ZNF121: variants seen among roughly 807,000 people sequenced by gnomAD.
ZNF121 encodes the protein zinc finger protein 121 (clone ZHC32).
ZNF121 carries 1 observed loss-of-function variant against 2.4 expected under a neutral mutation model. The observed-to-expected ratio is 0.41, with a 90% CI of 0.15 to 1.94. ZNF121 has a LOEUF of 1.94. ZNF121 is among the 30% of genes most tolerant of loss of function. ZNF121 has a pLI of 0.30. For synonymous variants in ZNF121, 173 were observed against 158.6 expected (o/e 1.09, Z -0.68); for missense variants, 369 against 466.3 (o/e 0.79, Z 1.92).
At position 9,573,321 on chromosome 19, in the gene ZNF121, TAAC is replaced by T. The variant is rs369530686; in HGVS notation, c.-159-4242_-159-4240del. ...TATCAGAAAAAACTTTAGAATATAT[TAAC>T]AACAACAAAAAAGAGAAATCTTACA... On this transcript the variant is annotated intron_variant, in intron 1 of 3. Coordinates refer to ENST00000320451, the MANE Select transcript of ZNF121 (RefSeq NM_001008727.5). 1.2e-3 allele frequency among the ~76,000 whole-genome samples: 185 copies of T among 152,124 alleles called. 1 individual carries two copies. Among genetic ancestry groups the T allele is most frequent in the East Asian group, 2.9e-3 (15 of 5,182 alleles).
chr19:9,573,105 C>A (rs1221598790), intron 1 of ZNF121, among the ~76,000 whole-genome samples: 2 of 152,194 alleles, frequency 1.3e-5, no homozygotes, highest in African/African-American at 4.8e-5. Flanking sequence ...TCCTTCAATG[C>A]ACAGACACAG....
At chr19:9,572,323 T>C (rs2074180111) in intron 1 of ZNF121, among the ~76,000 whole-genome samples, 1 of 152,124 alleles carries the variant, frequency 6.6e-6, no homozygotes, top group African/African-American at 2.4e-5. Context: ...CAATTCACAG[T>C]TTCTACACTG....
At chr19:9,567,140 G>C (rs1261901399) in intron 3 of ZNF121, 31 bp from the exon 4 acceptor site, 1 of 1,538,236 alleles carries the variant, frequency 6.5e-7, no homozygotes, top group Non-Finnish European at 8.8e-7. Flanking sequence ...GATGATTAAA[G>C]GATTTTTCAG....
At chr19:9,581,803 T>C (rs1211876389) in intron 1 of ZNF121, among the ~76,000 whole-genome samples, 1 of 152,220 alleles carries the variant, frequency 6.6e-6, no homozygotes, top group Non-Finnish European at 1.5e-5. Context: ...TTAGTTATTA[T>C]AAAAAGCAGA....
At position 9,567,044 on chromosome 19, in the gene ZNF121, G is replaced by A. The variant is rs1339753516; in HGVS notation, c.69C>T (p.His23=). ...TTCCCATGTGTGCATTAAGGCATGA[G>A]TGTTCACTGAAGATTTCTCCATTTT... is the stretch of plus-strand genomic sequence containing the variant. The part of the protein sequence containing the change: ...FMENGEIFSE[H]SCLNAHMGTE... The change falls in exon 4 of 4, where the codon CAC becomes CAT. Residue 23 remains histidine (H), a synonymous_variant. Coordinates refer to ENST00000320451, the MANE Select transcript of ZNF121 (RefSeq NM_001008727.5). 6.2e-7 allele frequency: 1 copy of A among 1,614,092 alleles called. No homozygotes were observed. The highest frequency in any genetic ancestry group is 8.5e-7 in the Non-Finnish European group (1 of 1,180,032).
rs2074222984 is a variant in ZNF121, at chr19:9,577,960, A to C, written c.-160+6501T>G. On this transcript the variant is annotated intron_variant, in intron 1 of 3. Coordinates refer to ENST00000320451, the MANE Select transcript of ZNF121 (RefSeq NM_001008727.5). ...GTAATCCCAGCACTCTGGGAGGCCA[A>C]GGTGGGCAGACCACGAGGTCAGGAG... is the stretch of plus-strand genomic sequence containing the variant. 1.3e-5 allele frequency among the ~76,000 whole-genome samples: 2 copies of C among 152,024 alleles called. 1 individual carries two copies. Among genetic ancestry groups the C allele is most frequent in the South Asian group, 4.2e-4 (2 of 4,810 alleles).
intron 3 of ZNF121, chr19:9,567,586 C>T (rs2074142703): frequency 4.0e-6 from 1 of 249,116 alleles, no homozygotes; most frequent in African/African-American, 2.2e-5. Context: ...ATTACATTTA[C>T]TGTGACTTTA....
intron 1 of ZNF121, among the ~76,000 whole-genome samples, chr19:9,578,908 A>G (rs1260562861): frequency 9.4e-6 from 1 of 106,752 alleles, no homozygotes; most frequent in Non-Finnish European, 1.8e-5. Flanking sequence ...AGAGTATGGG[A>G]AAAAAATATT....
At chr19:9,574,027 CTTTTTT>C (rs60923401) in intron 1 of ZNF121, among the ~76,000 whole-genome samples, 5 of 139,962 alleles carry the variant, frequency 3.6e-5, no homozygotes, top group African/African-American at 1.0e-4. Context: ...TTCTTTCTTT[CTTTTTT>C]TTTTTTTTTT....
chr19:9,578,347 T>C (rs1599742203), intron 1 of ZNF121, among the ~76,000 whole-genome samples: 1 of 151,276 alleles, frequency 6.6e-6, no homozygotes, highest in African/African-American at 2.4e-5. Flanking sequence ...TGAGCCGAGG[T>C]CGCACCACTG....
In ZNF121 at chr19:9,566,980, C is replaced by T. The variant is rs1306076913; in HGVS notation, c.133G>A (p.Gly45Arg). The change falls in exon 4 of 4, where the codon GGA becomes AGA. Residue 45 changes from glycine (G) to arginine (R), a missense_variant. By Grantham distance (125) the Gly-to-Arg change is moderately radical. Transcript: ENST00000320451. ...TTGTGTAACATGGGAAAGTTTTCTC[C>T]ATACTCATCACAGTCATAAGTGTCC... ...TGDTYDCDEY[G>R]ENFPMLHNSA... is the part of the protein sequence containing the mutation. The T allele has an allele frequency of 6.2e-7, 1 of 1,614,178 alleles. No homozygotes were observed. Among genetic ancestry groups the T allele is most frequent in the Non-Finnish European group, 8.5e-7 (1 of 1,180,038 alleles).
At chr19:9,582,008 T>C (rs2074251312) in intron 1 of ZNF121, among the ~76,000 whole-genome samples, 2 of 152,252 alleles carry the variant, frequency 1.3e-5, no homozygotes, top group African/African-American at 4.8e-5. Context: ...ACAAGCACAA[T>C]GCTCAAAAAG....
intron 1 of ZNF121, among the ~76,000 whole-genome samples, chr19:9,583,489 C>CTTTTTTTTTTTT (rs1185311747): frequency 2.1e-4 from 12 of 56,398 alleles, no homozygotes; most frequent in African/African-American, 6.3e-4. Context: ...CCAAGCCTGG[C>CTTTTTTTTTTTT]TTTTTTTTTT....
intron 1 of ZNF121, among the ~76,000 whole-genome samples, chr19:9,572,729 T>C (rs993321639): frequency 4.6e-5 from 7 of 152,132 alleles, no homozygotes; most frequent in Admixed American, 1.3e-4. Flanking sequence ...TAAGATTCCA[T>C]CTAGTGCTGA....
intron 1 of ZNF121, among the ~76,000 whole-genome samples, chr19:9,583,676 T>G (rs925599477): frequency 1.3e-5 from 2 of 152,002 alleles, no homozygotes; most frequent in African/African-American, 4.8e-5. Flanking sequence ...GCTAATTTTT[T>G]GTATTTTTAG....
chr19:9,583,468 G>C (rs916924592), intron 1 of ZNF121, among the ~76,000 whole-genome samples: 16 of 146,224 alleles, frequency 1.1e-4, no homozygotes, highest in African/African-American at 4.1e-4. Flanking sequence ...TAGGATTACA[G>C]GGGACTGCCA....
chr19:9,571,658 C>T (rs909590846), intron 1 of ZNF121, among the ~76,000 whole-genome samples: 34 of 152,112 alleles, frequency 2.2e-4, no homozygotes, highest in African/African-American at 8.2e-4. Flanking sequence ...TAACTTAATC[C>T]CCAGAGAAAA....
At chr19:9,568,598 T>C (rs1599735979) in intron 2 of ZNF121, among the ~76,000 whole-genome samples, 1 of 152,082 alleles carries the variant, frequency 6.6e-6, no homozygotes, top group Admixed American at 6.6e-5. Context: ...TGGTCTCAAC[T>C]CCTGACCTCA....
At position 9,566,894 on chromosome 19, in the gene ZNF121, C is replaced by A; in HGVS notation, c.219G>T (p.Leu73=). 1 of 1,614,206 alleles carries A rather than the reference C, an allele frequency of 6.2e-7. No homozygotes were observed. The highest frequency in any genetic ancestry group is 8.5e-7 in the Non-Finnish European group (1 of 1,180,028). The change falls in exon 4 of 4, where the codon CTG becomes CTT. Residue 73 remains leucine, a synonymous_variant. Coordinates refer to ENST00000320451, the MANE Select transcript of ZNF121 (RefSeq NM_001008727.5). ...VLNQCRKAFS[L]PPNVHQRTWI... is the part of the protein sequence containing the mutation. ...ACGTTCTCTGGTGAACATTTGGTGG[C>A]AGGCTGAAGGCTTTTCTGCACTGAT...
Sources: allele counts gnomAD v4.1 joint callset (sites outside exome capture counted in the v4.1 genomes callset), GRCh38; gene constraint gnomAD v4.1.1; transcripts MANE v1.5; gene names NCBI Gene and HGNC (gene_info 2026-07-23, HGNC 2026-07-21).